ZFAND4: variants seen among roughly 807,000 people sequenced by gnomAD.
ZFAND4 encodes zinc finger AN1-type containing 4.
Under a neutral mutation model 64.4 loss-of-function variants are expected in ZFAND4, and 43 were observed. The ratio of observed to expected loss-of-function variants is 0.67; its 90% CI spans 0.52 to 0.86. The LOEUF is 0.86. Among genes scored for constraint, ZFAND4 ranks in the 40% least tolerant of loss-of-function variants. The probability of loss-of-function intolerance (pLI) is 0.00; values close to 1 mark genes in which losing one functional copy is unlikely to be tolerated. For synonymous variants in ZFAND4, 296 were observed against 305.7 expected, an observed-to-expected ratio of 0.97 and a Z score of 0.33; for missense variants, 929 against 859.8, an observed-to-expected ratio of 1.08 and a Z score of -1.01.
Position 45,651,990 on chromosome 10 carries a change from C to T in ZFAND4, c.304G>A (p.Gly102Ser). Residue 102 changes from glycine (G) to serine (S), a missense_variant, in exon 4 of 10, where the codon GGC (glycine) becomes AGC (serine). By Grantham distance (56) the Gly-to-Ser change is moderately conservative. Coordinates refer to ENST00000344646, the MANE Select transcript of ZFAND4 (RefSeq NM_174890.4). ...CTLKLVLAMRGGPINTRRVPT... is the reference protein window; with the variant it reads ...CTLKLVLAMRSGPINTRRVPT... Reference sequence around the variant, plus strand: ...CCTCTTCTAGTATTTATAGGTCCGCCACGCATAGCCAAAACTAGCTTCAAG... The same window carrying T: ...CCTCTTCTAGTATTTATAGGTCCGCTACGCATAGCCAAAACTAGCTTCAAG... 1 of 1,613,750 alleles carries T rather than the reference C, an allele frequency of 6.2e-7. No individual in the cohort carries two copies. Among genetic ancestry groups the T allele is most frequent in the Non-Finnish European group, 8.5e-7 (1 of 1,179,776 alleles).
chr10:45,632,762 AT>A (rs753854095), intron 6 of ZFAND4, among the ~76,000 whole-genome samples: 13 of 152,206 alleles, frequency 8.5e-5, no homozygotes, highest in Non-Finnish European at 1.6e-4. Context: ...AAAATAAGAC[AT>A]TTAAGACCAA....
At chr10:45,649,168 A>T (rs2133773795) in intron 4 of ZFAND4, 1 of 151,978 alleles carries the variant, frequency 6.6e-6, no homozygotes, top group East Asian at 1.9e-4. Flanking sequence ...AAAAAAAAAA[A>T]AAAAAGTACA....
chr10:45,657,389 T>C (rs1449619886), intron 2 of ZFAND4, among the ~76,000 whole-genome samples: 2 of 152,088 alleles, frequency 1.3e-5, no homozygotes, highest in African/African-American at 4.8e-5. Flanking sequence ...CGAATTATAA[T>C]AGCAAAAATG....
chr10:45,637,629 A>G (rs1329110329), intron 6 of ZFAND4, among the ~76,000 whole-genome samples: 1 of 151,994 alleles, frequency 6.6e-6, no homozygotes, highest in African/African-American at 2.4e-5. Context: ...GCGCACCCGT[A>G]ATCCCAGCTA....
intron 7 of ZFAND4, among the ~76,000 whole-genome samples, 185 bp from the exon 8 acceptor site, chr10:45,624,822 T>TAA (rs1460694469): frequency 6.6e-6 from 1 of 152,168 alleles, no homozygotes; most frequent in East Asian, 1.9e-4. Flanking sequence ...ATATCGTGCT[T>TAA]ATTATTTATC....
Position 45,626,623 on chromosome 10 carries a change from T to C in ZFAND4, c.1200A>G (p.Ser400=). The change falls in exon 7 of 10, where the codon TCA becomes TCG. Residue 400 remains serine (S), a synonymous_variant. Coordinates refer to ENST00000344646, the MANE Select transcript of ZFAND4 (RefSeq NM_174890.4). Reference sequence around the variant, plus strand: ...CATTTCCTTCTGCAAATGAAGCCAGTGAGCCCACTTTAGGTAGAAGTGATT... The same window carrying C: ...CATTTCCTTCTGCAAATGAAGCCAGCGAGCCCACTTTAGGTAGAAGTGATT... ...TEQSLLPKVG[S]LASFAEGNAD... is the part of the protein sequence containing the mutation. 1 of 1,614,256 alleles carries C rather than the reference T, an allele frequency of 6.2e-7. No homozygotes were observed. Among genetic ancestry groups the C allele is most frequent in the Non-Finnish European group, 8.5e-7 (1 of 1,180,052 alleles).
At chr10:45,664,420 C>A (rs2048675052) in intron 1 of ZFAND4, among the ~76,000 whole-genome samples, 1 of 151,908 alleles carries the variant, frequency 6.6e-6, no homozygotes, top group Non-Finnish European at 1.5e-5. Context: ...AGGCACCCAC[C>A]ACCATGCCCA....
intron 6 of ZFAND4, among the ~76,000 whole-genome samples, chr10:45,636,737 T>C (rs1023969818): frequency 3.3e-5 from 5 of 152,208 alleles, no homozygotes; most frequent in Middle Eastern, 3.4e-3. Context: ...TACTCTGCTG[T>C]TTTGGGTAGA....
chr10:45,656,566 A>C (rs2048137337), intron 2 of ZFAND4, among the ~76,000 whole-genome samples: 2 of 151,194 alleles, frequency 1.3e-5, no homozygotes, highest in African/African-American at 4.9e-5. Context: ...AAAAACTGTA[A>C]TGGAAAACTT....
At chr10:45,666,320 T>C (rs1020373318) in intron 1 of ZFAND4, among the ~76,000 whole-genome samples, 3 of 152,240 alleles carry the variant, frequency 2.0e-5, no homozygotes, top group African/African-American at 7.2e-5. Context: ...TGTGCATCTT[T>C]TTTATGTGAT....
At position 45,652,016 on chromosome 10, in the gene ZFAND4, G is replaced by A; in HGVS notation, c.278C>T (p.Thr93Ile). 6.2e-7 allele frequency: 1 copy of A among 1,613,636 alleles called. No homozygotes were observed. The highest frequency in any genetic ancestry group is 8.5e-7 in the Non-Finnish European group (1 of 1,179,730). ...LNDYNISEGC[T>I]LKLVLAMRGG... ...ACGCATAGCCAAAACTAGCTTCAAG[G>A]TACACCCTTCTGAAATGCTGTGGAT... Residue 93 changes from threonine (T) to isoleucine (I), a missense_variant, in exon 4 of 10, where the codon ACC becomes ATC. Coordinates refer to ENST00000344646, the MANE Select transcript of ZFAND4 (RefSeq NM_174890.4).
chr10:45,624,854 G>A (rs546189080), intron 7 of ZFAND4, among the ~76,000 whole-genome samples: 58 of 151,992 alleles, frequency 3.8e-4, no homozygotes, highest in Non-Finnish European at 6.6e-4. Flanking sequence ...AGAATTTGCC[G>A]GGTGCTGTGA....
rs2044924573 is a variant in ZFAND4, at chr10:45,616,111, A to C, written c.*325T>G. ...CAATGTGGAAGCCTGGTTATTTAGG[A>C]AATATTTCGTTTCCTAAAGTGCATC... On this transcript the variant is annotated 3_prime_UTR_variant, in exon 10 of 10. Coordinates refer to ENST00000344646, the MANE Select transcript of ZFAND4 (RefSeq NM_174890.4). 1 of 250,000 alleles carries C rather than the reference A, an allele frequency of 4.0e-6. No homozygotes were observed. Among genetic ancestry groups the C allele is most frequent in the African/African-American group, 2.3e-5 (1 of 43,522 alleles). The allele number at this position is 250,000 out of a possible 1,614,324, so 15.5% of individuals were successfully genotyped here.
chr10:45,632,983 G>A (rs2046325698), intron 6 of ZFAND4, among the ~76,000 whole-genome samples: 1 of 152,088 alleles, frequency 6.6e-6, no homozygotes, highest in African/African-American at 2.4e-5. Flanking sequence ...CCTGATATCA[G>A]GCAAGGAAAA....
At chr10:45,646,848 C>T (rs1226649798) in intron 5 of ZFAND4, among the ~76,000 whole-genome samples, 1 of 152,188 alleles carries the variant, frequency 6.6e-6, no homozygotes, top group Non-Finnish European at 1.5e-5. Flanking sequence ...ACCCTCACTG[C>T]TACCTCCTCC....
intron 4 of ZFAND4, chr10:45,650,313 TG>T (rs2047676536): frequency 6.6e-6 from 1 of 152,180 alleles, no homozygotes; most frequent in African/African-American, 2.4e-5. Flanking sequence ...AGCTAATTTT[TG>T]TATTTTTAGT....
intron 7 of ZFAND4, among the ~76,000 whole-genome samples, chr10:45,625,588 AT>A (rs1393959271): frequency 6.6e-6 from 1 of 151,876 alleles, no homozygotes; most frequent in Non-Finnish European, 1.5e-5. Context: ...AAAAATACAT[AT>A]TTTTAATACG....
chr10:45,647,200 C>A (rs1430369695), intron 5 of ZFAND4, among the ~76,000 whole-genome samples: 1 of 152,122 alleles, frequency 6.6e-6, no homozygotes, highest in Non-Finnish European at 1.5e-5. Flanking sequence ...CTGAGGGCAG[C>A]CTCTAGTCAA....
chr10:45,657,750 C>T (rs1352504623), intron 2 of ZFAND4, among the ~76,000 whole-genome samples: 1 of 151,874 alleles, frequency 6.6e-6, no homozygotes, highest in East Asian at 1.9e-4. Flanking sequence ...ATTACTCGGC[C>T]ATAAACAGAA....
Sources: allele counts gnomAD v4.1 joint callset (sites outside exome capture counted in the v4.1 genomes callset), GRCh38; gene constraint gnomAD v4.1.1; transcripts MANE v1.5; gene names NCBI Gene and HGNC (gene_info 2026-07-23, HGNC 2026-07-21).